Variants in HDAC4 observed in about 807,000 individuals in gnomAD.
The protein encoded by HDAC4 is histone deacetylase 4.
In HDAC4, 16 loss-of-function variants were observed where a neutral mutation model predicts 135.1. That is an observed-to-expected ratio of 0.12 (90% CI 0.08 to 0.18). The LOEUF is 0.18. Ranked by LOEUF, HDAC4 falls within the 10% of genes least tolerant of loss-of-function variation. The pLI is 1.00. For missense variants in HDAC4, 1,143 were observed against 1,511.8 expected (o/e 0.76, Z 4.05); for synonymous variants, 685 against 653.4 (o/e 1.05, Z -0.74).
intron 2 of HDAC4, among the ~76,000 whole-genome samples, chr2:239,291,309 G>A (rs528102725): frequency 5.7e-4 from 87 of 152,326 alleles, no homozygotes; most frequent in African/African-American, 1.7e-3. Context: ...AAGTGCACAC[G>A]GGGATGGGCC....
chr2:239,344,177 TG>T (rs551997546), intron 2 of HDAC4, among the ~76,000 whole-genome samples: 1 of 152,306 alleles, frequency 6.6e-6, no homozygotes, highest in African/African-American at 2.4e-5. Context: ...ACGTGCGACC[TG>T]CCCCCACTGC....
At chr2:239,070,755 G>C (rs1444137245) in intron 22 of HDAC4, among the ~76,000 whole-genome samples, 1 of 152,098 alleles carries the variant, frequency 6.6e-6, no homozygotes, top group Non-Finnish European at 1.5e-5. Flanking sequence ...CCTTTAAAAA[G>C]GGGCTTCAAA....
intron 13 of HDAC4, among the ~76,000 whole-genome samples, chr2:239,113,943 G>A (rs999502054): frequency 1.3e-5 from 2 of 152,158 alleles, no homozygotes; most frequent in Non-Finnish European, 1.5e-5. Flanking sequence ...TGAACAAGAA[G>A]GAGAAATAGC....
At chr2:239,300,627 T>A (rs2052195367) in intron 2 of HDAC4, among the ~76,000 whole-genome samples, 1 of 151,408 alleles carries the variant, frequency 6.6e-6, no homozygotes, top group African/African-American at 2.4e-5. Flanking sequence ...GCTCCACCCA[T>A]GTGGATGAAG....
At chr2:239,111,104 G>T (rs887592212) in intron 14 of HDAC4, among the ~76,000 whole-genome samples, 3 of 152,190 alleles carry the variant, frequency 2.0e-5, no homozygotes, top group African/African-American at 7.2e-5. Flanking sequence ...CCCCCCGCCA[G>T]CCATTCACAG....
At chr2:239,110,842 C>T (rs181947801) in intron 14 of HDAC4, among the ~76,000 whole-genome samples, 147 of 152,332 alleles carry the variant, frequency 9.6e-4, no homozygotes, top group Middle Eastern at 3.4e-3. Flanking sequence ...GGTGGCGGGG[C>T]GGCCCAGGAC....
intron 2 of HDAC4, among the ~76,000 whole-genome samples, chr2:239,296,806 G>A (rs532906271): frequency 3.7e-4 from 57 of 152,064 alleles, no homozygotes; most frequent in African/African-American, 1.3e-3. Flanking sequence ...GATTCTTCGG[G>A]GCAGATATAT....
At chr2:239,234,397 C>G (rs1230520027) in intron 3 of HDAC4, among the ~76,000 whole-genome samples, 1 of 152,180 alleles carries the variant, frequency 6.6e-6, no homozygotes, top group Admixed American at 6.5e-5. Context: ...ATGGGGCAGC[C>G]TTCCCAACAT....
intron 3 of HDAC4, among the ~76,000 whole-genome samples, chr2:239,191,976 C>T (rs537803105): frequency 1.3e-5 from 2 of 152,364 alleles, no homozygotes; most frequent in Admixed American, 1.3e-4. Flanking sequence ...AAATCCTCCT[C>T]TCTGACTGTT....
At chr2:239,310,452 A>G (rs2052818604) in intron 2 of HDAC4, among the ~76,000 whole-genome samples, 2 of 152,168 alleles carry the variant, frequency 1.3e-5, no homozygotes, top group African/African-American at 4.8e-5. Context: ...AAATGGCCAC[A>G]GTGTGTCTGT....
intron 2 of HDAC4, among the ~76,000 whole-genome samples, chr2:239,251,021 G>A (rs1401620327): frequency 2.0e-5 from 3 of 152,304 alleles, no homozygotes; most frequent in African/African-American, 4.8e-5. Flanking sequence ...AAAGAGACTC[G>A]TCAGCTGGCA....
intron 3 of HDAC4, among the ~76,000 whole-genome samples, chr2:239,230,235 G>T (rs2047464488): frequency 1.3e-5 from 2 of 151,992 alleles, no homozygotes; most frequent in African/African-American, 4.8e-5. Flanking sequence ...GGACCCCTTG[G>T]TCAAGAAGGG....
chr2:239,398,555 T>C (rs1353099635), intron 1 of HDAC4, among the ~76,000 whole-genome samples: 1 of 152,236 alleles, frequency 6.6e-6, no homozygotes, highest in Non-Finnish European at 1.5e-5. Context: ...GGCATTCTTC[T>C]CAACGAGGTC....
At chr2:239,065,447 T>A (rs2106568431) in intron 24 of HDAC4, among the ~76,000 whole-genome samples, 1 of 152,296 alleles carries the variant, frequency 6.6e-6, no homozygotes, top group Middle Eastern at 3.4e-3. Flanking sequence ...GAGTGCTGCC[T>A]TTTCCTTGAG....
chr2:239,095,442 G>A (rs922187269), intron 16 of HDAC4, among the ~76,000 whole-genome samples: 1 of 152,178 alleles, frequency 6.6e-6, no homozygotes, highest in Non-Finnish European at 1.5e-5. Flanking sequence ...CCCCGAGCCT[G>A]GCTCCTCAGT....
At chr2:239,107,294 C>T (rs1318445606) in intron 15 of HDAC4, among the ~76,000 whole-genome samples, 1 of 152,246 alleles carries the variant, frequency 6.6e-6, no homozygotes, top group African/African-American at 2.4e-5. Context: ...CCACTGCAGC[C>T]AGATTCGGGG....
At chr2:239,080,949 G>C (rs943608995) in intron 22 of HDAC4, 146 bp downstream of exon 22, 1 of 625,898 alleles carries the variant, frequency 1.6e-6, no homozygotes, top group African/African-American at 1.8e-5. Context: ...ACTGAAGAAT[G>C]AACTGAGACA....
At chr2:239,380,277 C>G (rs553663260) in intron 1 of HDAC4, among the ~76,000 whole-genome samples, 1 of 152,304 alleles carries the variant, frequency 6.6e-6, no homozygotes, top group East Asian at 1.9e-4. Flanking sequence ...TGCACACACA[C>G]GTCCGTGCAC....
At chr2:239,168,008 G>A (rs374641994) in intron 5 of HDAC4, among the ~76,000 whole-genome samples, 11 of 152,320 alleles carry the variant, frequency 7.2e-5, no homozygotes, top group African/African-American at 1.7e-4. Context: ...AGGGACGGCT[G>A]TGCTCCCGGA....
Sources: allele counts gnomAD v4.1 joint callset (sites outside exome capture counted in the v4.1 genomes callset), GRCh38; gene constraint gnomAD v4.1.1; transcripts MANE v1.5; gene names NCBI Gene and HGNC (gene_info 2026-07-23, HGNC 2026-07-21).